RGS8: variants seen among roughly 807,000 people sequenced by gnomAD.
The protein encoded by RGS8 is regulator of G protein signaling 8.
RGS8 carries 8 observed loss-of-function variants against 21.7 expected under a neutral mutation model. That is an observed-to-expected ratio of 0.37 (90% CI 0.22 to 0.66). The LOEUF is 0.66. Among genes scored for constraint, RGS8 ranks in the 30% least tolerant of loss-of-function variants. The pLI is 0.59. For synonymous variants in RGS8, 80 were observed against 83.6 expected, an observed-to-expected ratio of 0.96 and a Z score of 0.24; for missense variants, 157 against 217.9, an observed-to-expected ratio of 0.72 and a Z score of 1.76.
chr1:182,690,599 C>T, the RGS8 span, among the ~76,000 whole-genome samples: 1 of 152,132 alleles, frequency 6.6e-6, no homozygotes, highest in Non-Finnish European at 1.5e-5. Flanking sequence ...TAAATTTGTT[C>T]CCAACTCTAC....
chr1:182,648,472 G>A (rs576865328), intron 5 of RGS8, among the ~76,000 whole-genome samples, 169 bp from the exon 7 acceptor site: 11 of 152,240 alleles, frequency 7.2e-5, no homozygotes, highest in South Asian at 2.1e-4. Flanking sequence ...AGTGGCTCAC[G>A]CCTGTAATCT....
intron 5 of RGS8, among the ~76,000 whole-genome samples, chr1:182,653,628 A>G (rs1027594355): frequency 6.6e-6 from 1 of 152,172 alleles, no homozygotes; most frequent in Non-Finnish European, 1.5e-5. Flanking sequence ...TGGGAGGTGG[A>G]GGTTGCAGTA....
intron 1 of RGS8, among the ~76,000 whole-genome samples, chr1:182,680,720 G>T (rs1459301641): frequency 6.6e-6 from 1 of 152,176 alleles, no homozygotes; most frequent in Non-Finnish European, 1.5e-5. Flanking sequence ...TATGTACATT[G>T]CCTAGGTAAA....
chr1:182,682,865 G>A (rs1474552339), intron 1 of RGS8, among the ~76,000 whole-genome samples: 1 of 152,086 alleles, frequency 6.6e-6, no homozygotes, highest in Non-Finnish European at 1.5e-5. Flanking sequence ...TGTCCTCTAA[G>A]AGCCCCTTGC....
At chr1:182,660,655 T>C (rs1054151283) in intron 5 of RGS8, among the ~76,000 whole-genome samples, 5 of 149,772 alleles carry the variant, frequency 3.3e-5, no homozygotes, top group African/African-American at 1.2e-4. Flanking sequence ...AAAGCTTCCA[T>C]ACGAGATACA....
At chr1:182,671,781 A>T in intron 1 of RGS8, 51 bp from the exon 3 acceptor site, 6 of 1,611,596 alleles carry the variant, frequency 3.7e-6, no homozygotes, top group Non-Finnish European at 5.1e-6. Flanking sequence ...CGGCGAGTGA[A>T]GGGCATGTGT....
At chr1:182,744,727 T>A in the RGS8 span, among the ~76,000 whole-genome samples, 1 of 152,240 alleles carries the variant, frequency 6.6e-6, no homozygotes, top group Admixed American at 6.5e-5. Flanking sequence ...AGTACACAAC[T>A]TTTTGTTGTT....
the RGS8 span, among the ~76,000 whole-genome samples, chr1:182,730,124 C>T: frequency 6.6e-6 from 1 of 152,246 alleles, no homozygotes; most frequent in Non-Finnish European, 1.5e-5. Flanking sequence ...ACTTCCCCAA[C>T]CTTCCTTTTC....
At chr1:182,708,910 G>C in the RGS8 span, among the ~76,000 whole-genome samples, 1 of 152,186 alleles carries the variant, frequency 6.6e-6, no homozygotes, top group Non-Finnish European at 1.5e-5. Flanking sequence ...AGCAGCTCTG[G>C]GCAGGCGGAA....
At chr1:182,704,530 G>A in the RGS8 span, among the ~76,000 whole-genome samples, 1 of 152,188 alleles carries the variant, frequency 6.6e-6, no homozygotes. Context: ...GTAAGGGGGG[G>A]CATCTTGGAC....
At chr1:182,653,486 G>A (rs1663120601) in intron 5 of RGS8, among the ~76,000 whole-genome samples, 1 of 151,950 alleles carries the variant, frequency 6.6e-6, no homozygotes, top group Non-Finnish European at 1.5e-5. Context: ...ATGAGGTCAG[G>A]AGTTCGAGAC....
At chr1:182,718,797 T>A in the RGS8 span, among the ~76,000 whole-genome samples, 1 of 152,068 alleles carries the variant, frequency 6.6e-6, no homozygotes, top group Non-Finnish European at 1.5e-5. Flanking sequence ...ACCAAAAAAA[T>A]AAATAAATAA....
the RGS8 span, among the ~76,000 whole-genome samples, chr1:182,721,089 A>G: frequency 7.1e-6 from 1 of 140,396 alleles, no homozygotes; most frequent in Non-Finnish European, 1.6e-5. Flanking sequence ...ACACATATAT[A>G]TGTGTGTATA....
the RGS8 span, among the ~76,000 whole-genome samples, chr1:182,741,476 C>G: frequency 0.61 from 70,224 of 115,838 alleles, 21,540 homozygotes; most frequent in Non-Finnish European, 0.63. Flanking sequence ...CTTCCGGGAC[C>G]GGGCGGCTGG....
chr1:182,738,914 C>T, the RGS8 span, among the ~76,000 whole-genome samples: 1 of 152,198 alleles, frequency 6.6e-6, no homozygotes, highest in Non-Finnish European at 1.5e-5. Flanking sequence ...GGATGAAGGT[C>T]GATGGTAAGG....
downstream of RGS8, chr1:182,643,333 C>CCCCCCCCCCCCCCG (rs1320966882): frequency 2.4e-5 from 3 of 126,342 alleles, no homozygotes; most frequent in African/African-American, 3.6e-5. Flanking sequence ...GCCCCCCCGC[C>CCCCCCCCCCCCCCG]CCCGCGCTGT....
intron 4 of RGS8, among the ~76,000 whole-genome samples, chr1:182,666,612 C>T (rs565185612): frequency 6.6e-6 from 1 of 151,780 alleles, no homozygotes; most frequent in East Asian, 1.9e-4. Flanking sequence ...GTATCCTTTG[C>T]CACCCACAGT....
upstream of RGS8, among the ~76,000 whole-genome samples, chr1:182,688,342 C>G (rs1319589009): frequency 6.6e-6 from 1 of 151,510 alleles, no homozygotes; most frequent in Admixed American, 6.6e-5. Context: ...CACACACACA[C>G]TTTCTCTCTC....
chr1:182,670,098 G>A (rs947890771), intron 2 of RGS8, among the ~76,000 whole-genome samples: 11 of 152,216 alleles, frequency 7.2e-5, no homozygotes, highest in Non-Finnish European at 1.5e-4. Flanking sequence ...CAGCAAGCGG[G>A]ATTGGAGGAG....
Sources: gnomAD v4.1 joint callset for allele counts (sites outside exome capture counted in the v4.1 genomes callset) on GRCh38, gnomAD v4.1.1 for gene constraint, MANE v1.5 for transcripts, NCBI Gene and HGNC (gene_info 2026-07-23, HGNC 2026-07-21) for gene names.